Variants in ANK3 observed in about 807,000 individuals in gnomAD.
ANK3 encodes ankyrin-3.
ANK3 carries 57 observed loss-of-function variants against 370.9 expected under a neutral mutation model. That is an observed-to-expected ratio of 0.15 (90% CI 0.12 to 0.19). The LOEUF (loss-of-function observed/expected upper bound fraction) is 0.19, where lower values mean the gene tolerates loss of function less well. ANK3 is among the 10% of genes least tolerant of loss of function. The probability of loss-of-function intolerance (pLI) is 1.00; values close to 1 mark genes in which losing one functional copy is unlikely to be tolerated. For synonymous variants in ANK3, 1,929 were observed against 1,946.3 expected (o/e 0.99, Z 0.23); for missense variants, 4,439 against 5,302.1 (o/e 0.84, Z 5.06).
At chr10:60,157,900 G>A (rs866488256) in intron 23 of ANK3, among the ~76,000 whole-genome samples, 38 of 149,200 alleles carry the variant, frequency 2.5e-4, no homozygotes, top group African/African-American at 9.1e-4. Context: ...GAGAGAGAGA[G>A]AGAGAGAGAG....
At chr10:60,379,279 A>T (rs1183111303) in intron 1 of ANK3, among the ~76,000 whole-genome samples, 1 of 152,188 alleles carries the variant, frequency 6.6e-6, no homozygotes, top group Admixed American at 6.6e-5. Context: ...AATGTAAACT[A>T]GTACAGCCAA....
chr10:60,228,665 C>T (rs1349666550), intron 8 of ANK3, among the ~76,000 whole-genome samples: 1 of 151,680 alleles, frequency 6.6e-6, no homozygotes, highest in Non-Finnish European at 1.5e-5. Context: ...CTTTATCTTT[C>T]CTTTGAGGAA....
rs200760889 is a variant in ANK3, at chr10:60,172,913, T to C, written c.2369A>G (p.Asn790Ser). Reference protein sequence around the residue: ...NVLLQNNASPNELTVNGNTAL... With the variant: ...NVLLQNNASPSELTVNGNTAL... ...CTGAGCGCTTACCACAGTGAGTTCA[T>C]TGGGGGAGGCGTTGTTCTGAAGTAA... Residue 790 changes from asparagine (N) to serine (S), a missense_variant, in exon 20 of 44, where the codon AAT becomes AGT. Asn to Ser is a conservative substitution (Grantham distance 46). Around this residue, in one of 13 missense-constraint regions of ANK3, gnomAD observed 702 missense variants for 941.5 expected, o/e 0.75. Coordinates refer to ENST00000280772, the MANE Select transcript of ANK3 (RefSeq NM_020987.5). 80 of 1,613,132 alleles carry C rather than the reference T, an allele frequency of 5.0e-5. No homozygotes were observed. Among genetic ancestry groups the C allele is most frequent in the South Asian group, 2.0e-4 (18 of 91,040 alleles).
At chr10:60,468,140 A>T (rs955577252) in intron 2 of ANK3, among the ~76,000 whole-genome samples, 2 of 151,878 alleles carry the variant, frequency 1.3e-5, no homozygotes, top group African/African-American at 4.8e-5. Context: ...ATGCACCACC[A>T]CGCCCAGCTA....
At chr10:60,053,134 AT>A (rs1564635955) in intron 42 of ANK3, among the ~76,000 whole-genome samples, 1 of 152,182 alleles carries the variant, frequency 6.6e-6, no homozygotes, top group Non-Finnish European at 1.5e-5. Context: ...AGGACAGTAA[AT>A]TTAGGAGACT....
At chr10:60,435,009 T>C (rs763772592) in intron 2 of ANK3, among the ~76,000 whole-genome samples, 2 of 152,214 alleles carry the variant, frequency 1.3e-5, no homozygotes, top group Non-Finnish European at 2.9e-5. Context: ...ACTATAAGCA[T>C]AACTCTGAAA....
intron 2 of ANK3, among the ~76,000 whole-genome samples, chr10:60,469,851 C>T (rs1247330721): frequency 6.6e-6 from 1 of 151,128 alleles, no homozygotes; most frequent in African/African-American, 2.4e-5. Context: ...AAAATGAATC[C>T]GTGCCAATGA....
rs566516763 is a variant in ANK3 at position 60,405,947 on chromosome 10, G to C, written c.97-126308C>G. On this transcript the variant is annotated intron_variant, in intron 2 of 43. Coordinates refer to the ANK3 transcript ENST00000373827. ...AAAAAGCAACCAATACTACATGGTA[G>C]ACCCTTTTTCAGTTTACATATAATT... Among the ~76,000 whole-genome samples the C allele has an allele frequency of 1.8e-3, 267 of 152,242 alleles. 1 individual carries two copies. The highest frequency in any genetic ancestry group is 6.2e-3 in the African/African-American group (257 of 41,540).
At chr10:60,182,590 T>C (rs1003914238) in intron 17 of ANK3, among the ~76,000 whole-genome samples, 1 of 152,194 alleles carries the variant, frequency 6.6e-6, no homozygotes, top group Non-Finnish European at 1.5e-5. Context: ...CCCTCTAGCA[T>C]CTGTGCAATG....
At chr10:60,131,773 T>C (rs2094083817) in intron 25 of ANK3, among the ~76,000 whole-genome samples, 1 of 152,070 alleles carries the variant, frequency 6.6e-6, no homozygotes, top group African/African-American at 2.4e-5. Flanking sequence ...GTGGTAATAG[T>C]GGTGGTGGTA....
intron 2 of ANK3, among the ~76,000 whole-genome samples, chr10:60,533,929 T>C (rs2076663597): frequency 6.6e-6 from 1 of 152,028 alleles, no homozygotes; most frequent in South Asian, 2.1e-4. Context: ...AAAATTAAGG[T>C]GTTTTATTTC....
intron 42 of ANK3, among the ~76,000 whole-genome samples, chr10:60,050,139 C>G (rs2077655975): frequency 6.6e-6 from 1 of 152,168 alleles, no homozygotes; most frequent in African/African-American, 2.4e-5. Context: ...CCCACCCCAA[C>G]CCAGAGAACA....
intron 2 of ANK3, among the ~76,000 whole-genome samples, chr10:60,553,418 G>A (rs7101298): frequency 0.7 from 105,877 of 152,026 alleles, 37,242 homozygotes; most frequent in South Asian, 0.88. Flanking sequence ...TATTAATTTC[G>A]TCTTCTATTT....
At chr10:60,436,537 T>C (rs996675200) in intron 2 of ANK3, among the ~76,000 whole-genome samples, 1 of 152,236 alleles carries the variant, frequency 6.6e-6, no homozygotes, top group African/African-American at 2.4e-5. Context: ...TAGTTTTGTT[T>C]AGATTTCCTT....
rs112687434 is a variant in ANK3 at position 60,609,624 on chromosome 10, G to A, written c.96+5562C>T. On this transcript the variant is annotated intron_variant, in intron 2 of 43. Coordinates refer to the ANK3 transcript ENST00000373827. ...ACAGTGAGATAATATGACAGAATAT[G>A]AGATAATATGACAGTGACATATTAC... is the stretch of plus-strand genomic sequence containing the variant. Among the ~76,000 whole-genome samples, 729 of 151,882 alleles carry A rather than the reference G, an allele frequency of 4.8e-3. 3 individuals are homozygous for A. Among genetic ancestry groups the A allele is most frequent in the African/African-American group, 0.017 (687 of 41,396 alleles).
At chr10:60,531,047 A>C (rs72820991) in intron 2 of ANK3, among the ~76,000 whole-genome samples, 3,163 of 152,264 alleles carry the variant, frequency 0.021, 41 homozygotes, top group Middle Eastern at 0.034. Context: ...AATACAAATA[A>C]TGGACAATGT....
chr10:60,250,863 A>G (rs1255149953), intron 7 of ANK3, among the ~76,000 whole-genome samples: 1 of 152,226 alleles, frequency 6.6e-6, no homozygotes, highest in African/African-American at 2.4e-5. Context: ...GCCCAGGTAG[A>G]GACCAAATCA....
chr10:60,621,771 A>T (rs1408633544), intron 1 of ANK3, among the ~76,000 whole-genome samples: 1 of 152,202 alleles, frequency 6.6e-6, no homozygotes, highest in Non-Finnish European at 1.5e-5. Context: ...TCTGTAAAGA[A>T]CAAAGACAAA....
In ANK3 at chr10:60,055,830, G is replaced by A; in HGVS notation, c.12893C>T (p.Ser4298Leu). ...AGATTTCTGATATGCTGCTAGTGGTGATGCTGGTTCTTCAACATGACCAGA... is the reference window on the plus strand; with the variant it reads ...AGATTTCTGATATGCTGCTAGTGGTAATGCTGGTTCTTCAACATGACCAGA... ...HGSGHVEEPA[S>L]PLAAYQKSLE... The change falls in exon 42 of 44, where the codon TCA (serine) becomes TTA (leucine). Residue 4298 changes from serine to leucine, a missense_variant. Physicochemically the swap from Ser to Leu is moderately radical, Grantham distance 145. Around this residue, in one of 13 missense-constraint regions of ANK3, gnomAD observed 242 missense variants for 228.0 expected, o/e 1.06. Coordinates refer to ENST00000280772, the MANE Select transcript of ANK3 (RefSeq NM_020987.5). The A allele has an allele frequency of 6.2e-7, 1 of 1,614,172 alleles. No homozygotes were observed.
Sources: allele counts gnomAD v4.1 joint callset (sites outside exome capture counted in the v4.1 genomes callset), GRCh38; gene constraint gnomAD v4.1.1; regional missense constraint gnomAD v4.1.1; transcripts MANE v1.5; gene names NCBI Gene and HGNC (gene_info 2026-07-23, HGNC 2026-07-21).